HTR2A: variants seen among roughly 807,000 people sequenced by gnomAD.
HTR2A encodes the protein 5-hydroxytryptamine receptor 2A, also known as 5-HT2 receptor.
Under a neutral mutation model 31.0 loss-of-function variants are expected in HTR2A, and 14 were observed. That is an observed-to-expected ratio of 0.45 (90% CI 0.30 to 0.71). The LOEUF (loss-of-function observed/expected upper bound fraction) is 0.71, where lower values mean the gene tolerates loss of function less well. HTR2A is among the 30% of genes least tolerant of loss of function. The pLI is 0.09. For missense variants in HTR2A, 442 were observed against 573.3 expected (o/e 0.77, Z 2.34); for synonymous variants, 209 against 225.2 (o/e 0.93, Z 0.64).
At chr13:46,856,647 T>C (rs1253576540) in intron 3 of HTR2A, among the ~76,000 whole-genome samples, 1 of 152,140 alleles carries the variant, frequency 6.6e-6, no homozygotes, top group Non-Finnish European at 1.5e-5. Context: ...TTGTATCATG[T>C]AGTACGATGA....
chr13:46,845,214 T>C (rs1950631810), intron 3 of HTR2A, among the ~76,000 whole-genome samples: 1 of 152,046 alleles, frequency 6.6e-6, no homozygotes, highest in African/African-American at 2.4e-5. Flanking sequence ...ATAGATGACA[T>C]AGATAAATTC....
chr13:46,877,621 C>T (rs1950925662), intron 3 of HTR2A, among the ~76,000 whole-genome samples: 2 of 152,194 alleles, frequency 1.3e-5, no homozygotes, highest in South Asian at 2.1e-4. Context: ...ATAGTTTGTA[C>T]TCAAGATGAA....
At chr13:46,850,348 C>G (rs1950674636) in intron 3 of HTR2A, among the ~76,000 whole-genome samples, 1 of 152,206 alleles carries the variant, frequency 6.6e-6, no homozygotes, top group East Asian at 1.9e-4. Flanking sequence ...AGCTCACTTA[C>G]TCCTCACAGT....
Position 46,835,611 on chromosome 13 carries a change from C to T in HTR2A, c.642G>A (p.Gly214=). The change falls in exon 4 of 4, where the codon GGG becomes GGA. Residue 214 remains glycine (G), a synonymous_variant. Coordinates refer to ENST00000542664, the MANE Select transcript of HTR2A (RefSeq NM_000621.5). ...VGISMPIPVF[G]LQDDSKVFKE... ...TAAAGACCTTCGAATCGTCCTGTAGCCCAAAGACTGGTATTGGCATGGATA... is the reference window on the plus strand; with the variant it reads ...TAAAGACCTTCGAATCGTCCTGTAGTCCAAAGACTGGTATTGGCATGGATA... The T allele has an allele frequency of 1.2e-6, 2 of 1,613,424 alleles. No homozygotes were observed. The highest frequency in any genetic ancestry group is 1.7e-6 in the Non-Finnish European group (2 of 1,179,652).
chr13:46,889,868 T>C (rs1484144492), intron 3 of HTR2A, among the ~76,000 whole-genome samples: 3 of 152,252 alleles, frequency 2.0e-5, no homozygotes, highest in Admixed American at 1.3e-4. Flanking sequence ...TTTTCCTTTT[T>C]ACATTTTCCG....
intron 3 of HTR2A, among the ~76,000 whole-genome samples, chr13:46,862,956 A>G (rs184248334): frequency 3.3e-5 from 5 of 152,362 alleles, no homozygotes; most frequent in African/African-American, 1.2e-4. Context: ...AATCCTCAAG[A>G]TACCTCAAGG....
At chr13:46,892,293 GAGGATGTCAGGTTTCAGT>G (rs1951059583) in intron 3 of HTR2A, 79 bp downstream of exon 3, 2 of 1,133,878 alleles carry the variant, frequency 1.8e-6, no homozygotes, top group Non-Finnish European at 2.7e-6. Context: ...ACAGTAGATT[GAGGATGTCAGGTTTCAGT>G]ACAACAAAAT....
At chr13:46,855,236 A>G (rs1950724817) in intron 3 of HTR2A, among the ~76,000 whole-genome samples, 2 of 152,162 alleles carry the variant, frequency 1.3e-5, no homozygotes, top group Admixed American at 1.3e-4. Flanking sequence ...GCCCTAGGAA[A>G]CCAGTACACC....
intron 3 of HTR2A, among the ~76,000 whole-genome samples, chr13:46,863,642 A>G (rs1950798196): frequency 3.7e-5 from 3 of 81,030 alleles, no homozygotes; most frequent in African/African-American, 1.1e-4. Flanking sequence ...AAAAAAAAAA[A>G]AAAAAAAGAA....
intron 3 of HTR2A, among the ~76,000 whole-genome samples, chr13:46,840,211 CA>C: frequency 6.6e-6 from 1 of 152,120 alleles, no homozygotes; most frequent in Non-Finnish European, 1.5e-5. Flanking sequence ...CACTGGTAAA[CA>C]CTGCAGGATA....
chr13:46,844,669 T>C (rs1202388401), intron 3 of HTR2A, among the ~76,000 whole-genome samples: 1 of 152,176 alleles, frequency 6.6e-6, no homozygotes, highest in East Asian at 1.9e-4. Flanking sequence ...TCAGGTAAAT[T>C]AAACAAGTAT....
chr13:46,860,135 A>G (rs1224236242), intron 3 of HTR2A, among the ~76,000 whole-genome samples: 3 of 152,148 alleles, frequency 2.0e-5, no homozygotes, highest in East Asian at 1.9e-4. Context: ...CTTAAGGCCT[A>G]ATACCTGGCC....
intron 3 of HTR2A, among the ~76,000 whole-genome samples, chr13:46,858,951 C>T (rs200445807): frequency 8.5e-5 from 13 of 152,292 alleles, no homozygotes; most frequent in East Asian, 5.8e-4. Flanking sequence ...GTCACTAAGA[C>T]GTTCGAATTC....
intron 1 of HTR2A, 35 bp from the exon 2 acceptor site, chr13:46,896,269 A>C: frequency 9.3e-7 from 1 of 1,078,988 alleles, no homozygotes; most frequent in Non-Finnish European, 1.1e-6. Context: ...AACTACTGGG[A>C]CTCTTGTTTA....
chr13:46,838,977 T>TACACACACACAC (rs67738033), intron 3 of HTR2A, among the ~76,000 whole-genome samples: 2 of 140,806 alleles, frequency 1.4e-5, no homozygotes, highest in African/African-American at 5.3e-5. Context: ...GACACACACA[T>TACACACACACAC]ACACACACAC....
At chr13:46,893,544 A>T (rs1312975897) in intron 2 of HTR2A, among the ~76,000 whole-genome samples, 1 of 152,160 alleles carries the variant, frequency 6.6e-6, no homozygotes, top group Non-Finnish European at 1.5e-5. Context: ...AGCCCAATTA[A>T]ATCATGTTTG....
At chr13:46,841,444 C>T (rs182344744) in intron 3 of HTR2A, among the ~76,000 whole-genome samples, 24 of 151,804 alleles carry the variant, frequency 1.6e-4, no homozygotes, top group African/African-American at 5.6e-4. Flanking sequence ...CTTTCAAATA[C>T]TAGGGAAGTT....
At chr13:46,883,991 G>A (rs1950986736) in intron 3 of HTR2A, among the ~76,000 whole-genome samples, 1 of 152,234 alleles carries the variant, frequency 6.6e-6, no homozygotes, top group Non-Finnish European at 1.5e-5. Context: ...AGTACTGAGT[G>A]CAGGAAAACT....
chr13:46,862,155 A>G (rs908941647), intron 3 of HTR2A, among the ~76,000 whole-genome samples: 2 of 152,220 alleles, frequency 1.3e-5, no homozygotes, highest in Non-Finnish European at 2.9e-5. Flanking sequence ...GATCTATTAT[A>G]ATTAAGTTAC....
Sources: gnomAD v4.1 joint callset for allele counts (sites outside exome capture counted in the v4.1 genomes callset) on GRCh38, gnomAD v4.1.1 for gene constraint, MANE v1.5 for transcripts, NCBI Gene and HGNC (gene_info 2026-07-23, HGNC 2026-07-21) for gene names.